AMBRA1: variants seen among roughly 807,000 people sequenced by gnomAD.
AMBRA1 encodes the protein autophagy and beclin 1 regulator 1.
In AMBRA1, 47 loss-of-function variants were observed where a neutral mutation model predicts 125.4. That is an observed-to-expected ratio of 0.37 (90% confidence interval 0.30 to 0.48). AMBRA1 has a LOEUF of 0.48. Ranked by LOEUF, AMBRA1 falls within the 20% of genes least tolerant of loss-of-function variation. AMBRA1 has a pLI of 0.99. For synonymous variants in AMBRA1, 626 were observed against 655.5 expected, an observed-to-expected ratio of 0.95 and a Z score of 0.69; for missense variants, 1,331 against 1,693.4, an observed-to-expected ratio of 0.79 and a Z score of 3.76.
intron 9 of AMBRA1, among the ~76,000 whole-genome samples, chr11:46,496,383 A>G (rs879811741): frequency 6.6e-6 from 1 of 152,144 alleles, no homozygotes; most frequent in Non-Finnish European, 1.5e-5. Flanking sequence ...ACTCTGTCTC[A>G]AATAAAATAA....
chr11:46,552,391 A>T (rs1461169234), intron 1 of AMBRA1, among the ~76,000 whole-genome samples: 1 of 136,208 alleles, frequency 7.3e-6, no homozygotes, highest in Non-Finnish European at 1.6e-5. Context: ...AAAAAAAAAA[A>T]AAAAAAAAAA....
At chr11:46,540,166 A>G (rs1348342281) in intron 7 of AMBRA1, among the ~76,000 whole-genome samples, 1 of 152,188 alleles carries the variant, frequency 6.6e-6, no homozygotes, top group Non-Finnish European at 1.5e-5. Flanking sequence ...CAAACAATAG[A>G]GTTTATTTAA....
intron 1 of AMBRA1, among the ~76,000 whole-genome samples, chr11:46,551,055 C>T (rs1326220698): frequency 6.7e-6 from 1 of 148,426 alleles, no homozygotes; most frequent in Non-Finnish European, 1.5e-5. Context: ...CAAGATCGCG[C>T]CACTGCACTC....
intron 17 of AMBRA1, among the ~76,000 whole-genome samples, chr11:46,403,396 C>A (rs975135756): frequency 9.9e-5 from 15 of 152,224 alleles, no homozygotes; most frequent in African/African-American, 3.6e-4. Flanking sequence ...AACAGAGGCT[C>A]AGATGACCTT....
intron 11 of AMBRA1, among the ~76,000 whole-genome samples, chr11:46,463,040 C>T (rs1949164897): frequency 1.3e-5 from 2 of 152,202 alleles, no homozygotes; most frequent in South Asian, 4.1e-4. Flanking sequence ...AGGCGTGAGC[C>T]ACCACGTCTG....
rs906632501 is a variant in AMBRA1 at position 46,584,465 on chromosome 11, C to T, written c.-121+9363G>A. 3.3e-5 allele frequency among the ~76,000 whole-genome samples: 5 copies of T among 149,528 alleles called. 1 individual carries two copies. In the South Asian group the frequency reaches 6.4e-4, roughly 19 times the overall value. On this transcript the variant is annotated intron_variant, in intron 1 of 17. Transcript: ENST00000683756. ...GTGCAGCACACCAGCATGGCACATG[C>T]ATACATATGTAACTAACCTGCACAT...
At chr11:46,518,833 C>G (rs941091848) in intron 7 of AMBRA1, among the ~76,000 whole-genome samples, 1 of 152,154 alleles carries the variant, frequency 6.6e-6, no homozygotes, top group Non-Finnish European at 1.5e-5. Context: ...AAATCCTGAA[C>G]ATTTTTAAAA....
intron 1 of AMBRA1, among the ~76,000 whole-genome samples, chr11:46,574,713 C>T (rs1226719442): frequency 6.6e-6 from 1 of 152,220 alleles, no homozygotes; most frequent in Non-Finnish European, 1.5e-5. Flanking sequence ...CATCCTTACT[C>T]TCATGGCCAA....
At chr11:46,443,654 G>T in intron 11 of AMBRA1, 56 bp from the exon 12 acceptor site, 1 of 1,427,144 alleles carries the variant, frequency 7.0e-7, no homozygotes, top group Non-Finnish European at 9.8e-7. Context: ...CGTTTCCACT[G>T]CAAAACATAA....
At chr11:46,494,027 G>T in intron 10 of AMBRA1, 97 bp downstream of exon 10, 1 of 1,207,916 alleles carries the variant, frequency 8.3e-7, no homozygotes, top group Non-Finnish European at 1.2e-6. Flanking sequence ...AGGAAACAAT[G>T]CCAGATGTGG....
At chr11:46,579,708 C>T (rs1242549180) in intron 1 of AMBRA1, among the ~76,000 whole-genome samples, 1 of 151,996 alleles carries the variant, frequency 6.6e-6, no homozygotes, top group Non-Finnish European at 1.5e-5. Flanking sequence ...AGGAAACAGA[C>T]ATGTTTTGTT....
At position 46,538,562 on chromosome 11, in the gene AMBRA1, C is replaced by T. The variant is rs181751551; in HGVS notation, c.2072+3383G>A. Among the ~76,000 whole-genome samples the T allele has an allele frequency of 5.9e-5, 9 of 152,162 alleles. No individual in the cohort carries two copies. In the East Asian group the frequency reaches 1.5e-3, roughly 26 times the overall value. ...AGGCTTGAGTGCAGTGGTGCAATCTCGGCTCACTGCAACCTCCGCCTCCCC... is the reference window on the plus strand; with the variant it reads ...AGGCTTGAGTGCAGTGGTGCAATCTTGGCTCACTGCAACCTCCGCCTCCCC... On this transcript the variant is annotated intron_variant, in intron 7 of 17. Transcript: ENST00000683756.
chr11:46,454,579 C>CA (rs777518872), intron 11 of AMBRA1, among the ~76,000 whole-genome samples: 2,567 of 50,434 alleles, frequency 0.051, 56 homozygotes, highest in African/African-American at 0.087. Context: ...ACTAAAAATA[C>CA]AAAAAAAAAA....
chr11:46,468,656 A>G (rs1949434757), intron 11 of AMBRA1, among the ~76,000 whole-genome samples: 1 of 151,362 alleles, frequency 6.6e-6, no homozygotes, highest in Non-Finnish European at 1.5e-5. Context: ...AAAATACAAA[A>G]AAAAAAATAG....
At chr11:46,401,523 C>T (rs1373299721) in intron 17 of AMBRA1, among the ~76,000 whole-genome samples, 1 of 152,130 alleles carries the variant, frequency 6.6e-6, no homozygotes, top group African/African-American at 2.4e-5. Flanking sequence ...CATGAGCCAC[C>T]GCACCCAGCT....
At chr11:46,509,361 A>G (rs1467592199) in intron 8 of AMBRA1, among the ~76,000 whole-genome samples, 1 of 152,204 alleles carries the variant, frequency 6.6e-6, no homozygotes, top group Non-Finnish European at 1.5e-5. Context: ...TAACAGAAAA[A>G]TGTTTTCTAT....
intron 1 of AMBRA1, among the ~76,000 whole-genome samples, chr11:46,583,091 C>T (rs2135318981): frequency 6.6e-6 from 1 of 152,300 alleles, no homozygotes; most frequent in East Asian, 1.9e-4. Context: ...CGCTACCTGA[C>T]TTCAAACTAT....
At chr11:46,507,478 CAAA>C (rs778680920) in intron 9 of AMBRA1, among the ~76,000 whole-genome samples, 4 of 91,094 alleles carry the variant, frequency 4.4e-5, no homozygotes, top group Non-Finnish European at 4.3e-5. Context: ...GACTCCGTCT[CAAA>C]AAAAAAAAAA....
intron 9 of AMBRA1, among the ~76,000 whole-genome samples, chr11:46,496,360 C>A (rs752645922): frequency 6.6e-6 from 1 of 151,678 alleles, no homozygotes; most frequent in Non-Finnish European, 1.5e-5. Context: ...CCAGCCTGGG[C>A]GACAAGAGTA....
Sources: gnomAD v4.1 joint callset for allele counts (sites outside exome capture counted in the v4.1 genomes callset) on GRCh38, gnomAD v4.1.1 for gene constraint, MANE v1.5 for transcripts, NCBI Gene and HGNC (gene_info 2026-07-23, HGNC 2026-07-21) for gene names.